Variants in CFAP46 observed in about 807,000 individuals in gnomAD.
CFAP46 encodes the protein cilia- and flagella-associated protein 46.
A neutral mutation model predicts 325.7 loss-of-function variants in CFAP46; 245 were observed. The ratio of observed to expected loss-of-function variants is 0.75; its 90% CI spans 0.68 to 0.84. CFAP46 has a LOEUF of 0.84. CFAP46 is among the 40% of genes least tolerant of loss of function. The pLI is 0.00. For synonymous variants in CFAP46, 1,523 were observed against 1,495.9 expected (o/e 1.02, Z -0.42); for missense variants, 3,346 against 3,543.0 (o/e 0.94, Z 1.41).
rs1554876278 is a variant in CFAP46, at chr10:132,832,396, C to CCT, written c.7117+961_7117+962insAG. 1.4e-5 allele frequency among the ~76,000 whole-genome samples: 2 copies of CCT among 142,312 alleles called. No homozygotes were observed. Among genetic ancestry groups the CCT allele is most frequent in the Non-Finnish European group, 1.5e-5 (1 of 64,766 alleles). The allele number at this position is 142,312 out of a possible 152,430, so 93.4% of individuals were successfully genotyped here. A position where few individuals can be genotyped will look rare whatever the true frequency, so the allele number is the denominator to read the frequency against. ...ACCCCTGGGCTCTTCCTGCCCCCCC[C>CCT]CCCCAATGCTGTGGCCTGGAAATTC... On this transcript the variant is annotated intron_variant, in intron 50 of 57. Coordinates refer to ENST00000368586, the MANE Select transcript of CFAP46 (RefSeq NM_001200049.3). The surrounding 1 kb of genome is among the most constrained non-coding windows in gnomAD (Gnocchi z 4.1).
intron 50 of CFAP46, among the ~76,000 whole-genome samples, chr10:132,821,205 A>C (rs1480238590): frequency 1.4e-5 from 1 of 72,988 alleles, no homozygotes; most frequent in African/African-American, 5.9e-5. Flanking sequence ...GTGAGTGCTG[A>C]TGTGTGCTGT....
In CFAP46 at chr10:132,905,555, C is replaced by G. The variant is rs543582578; in HGVS notation, c.2924+2913G>C. 4.0e-5 allele frequency among the ~76,000 whole-genome samples: 6 copies of G among 148,724 alleles called. No individual in the cohort carries two copies. The East Asian group carries it at 1.2e-3, about 29-fold the overall frequency. ...AAGTACACTCTCTGGGTCCTTTTGTCTAAAATGGCTTATTTTGACCTGATA... is the reference window on the plus strand; with the variant it reads ...AAGTACACTCTCTGGGTCCTTTTGTGTAAAATGGCTTATTTTGACCTGATA... On this transcript the variant is annotated intron_variant, in intron 22 of 57. Transcript: ENST00000368586.
At position 132,912,316 on chromosome 10, in the gene CFAP46, C is replaced by CT. The variant is rs1303321188; in HGVS notation, c.2499+338dup. ...TCTCTCTCCTCTCTTTCTCCTGTCT[C>CT]TTCTCCTCTCTTCTTCTCTCTCTCC... On this transcript the variant is annotated intron_variant, in intron 19 of 57. Transcript: ENST00000368586. Among the ~76,000 whole-genome samples, 6 of 85,912 alleles carry CT rather than the reference C, an allele frequency of 7.0e-5. 1 individual carries two copies. Among genetic ancestry groups the CT allele is most frequent in the Non-Finnish European group, 1.3e-4 (6 of 47,124 alleles). The allele number at this position is 85,912 out of a possible 152,430, so 56.4% of individuals were successfully genotyped here.
At chr10:132,834,604 G>A (rs917964047) in intron 48 of CFAP46, 50 bp downstream of exon 48, 2 of 1,603,428 alleles carry the variant, frequency 1.2e-6, no homozygotes, top group Non-Finnish European at 1.7e-6. Context: ...GGACACACGT[G>A]TCCATGCGTG....
At chr10:132,937,757 A>G (rs908412358) in intron 5 of CFAP46, 82 bp from the exon 6 acceptor site, 1 of 1,502,822 alleles carries the variant, frequency 6.7e-7, no homozygotes, top group Non-Finnish European at 8.9e-7. Flanking sequence ...AAACCATTAC[A>G]TATTTTGTGT....
rs767105081 is a variant in CFAP46 at position 132,929,807 on chromosome 10, G to GCAAA, written c.867-7_867-4dup. 2.5e-6 allele frequency: 4 copies of GCAAA among 1,605,258 alleles called. No individual in the cohort carries two copies. Among genetic ancestry groups the GCAAA allele is most frequent in the African/African-American group, 1.3e-5 (1 of 74,858 alleles). On this transcript the variant is annotated splice_polypyrimidine_tract_variant and splice_region_variant and intron_variant, in intron 8 of 57. Coordinates refer to ENST00000368586, the MANE Select transcript of CFAP46 (RefSeq NM_001200049.3). ...CCAATTCAAAAAGCAAAAGCATTCT[G>GCAAA]CAAACAAACAAACCAGCCAGCACCG...
At chr10:132,844,765 G>A (rs904713090) in intron 44 of CFAP46, among the ~76,000 whole-genome samples, 4 of 152,254 alleles carry the variant, frequency 2.6e-5, no homozygotes, top group South Asian at 2.1e-4. Context: ...CATGACTCCC[G>A]TGCCCAGCTC....
chr10:132,823,492 C>A (rs1847939941), intron 50 of CFAP46, among the ~76,000 whole-genome samples: 1 of 104,156 alleles, frequency 9.6e-6, no homozygotes, highest in Non-Finnish European at 1.9e-5. Context: ...GTGCTGTGTG[C>A]TGATGTGTGC....
chr10:132,881,653 ACCGCACCCTCCGCAGCC>A (rs1415960254), intron 27 of CFAP46, among the ~76,000 whole-genome samples: 1 of 150,516 alleles, frequency 6.6e-6, no homozygotes, highest in East Asian at 2.0e-4. Context: ...GTTAGCCTGC[ACCGCACCCTCCGCAGCC>A]CTGCGAGCCG....
chr10:132,927,167 G>A (rs575275398), intron 9 of CFAP46, among the ~76,000 whole-genome samples: 37 of 152,302 alleles, frequency 2.4e-4, no homozygotes, highest in South Asian at 4.1e-4. Flanking sequence ...CACCCCGCTC[G>A]AGGGGTGACA....
chr10:132,837,470 GACAC>G (rs754696579), intron 44 of CFAP46, among the ~76,000 whole-genome samples: 1 of 124,792 alleles, frequency 8.0e-6, no homozygotes, highest in African/African-American at 4.9e-5. Context: ...GACATGCACA[GACAC>G]ACACATGCAC....
intron 16 of CFAP46, 36 bp from the exon 17 acceptor site, chr10:132,916,718 C>T (rs1386993946): frequency 4.2e-6 from 6 of 1,423,606 alleles, no homozygotes; most frequent in Admixed American, 5.8e-5. Context: ...GGGTCATGGG[C>T]GGAGCACGGG....
intron 24 of CFAP46, among the ~76,000 whole-genome samples, chr10:132,896,914 C>T (rs565193795): frequency 3.7e-4 from 57 of 152,228 alleles, no homozygotes; most frequent in Non-Finnish European, 6.6e-4. Flanking sequence ...AAAATGATAC[C>T]ATACAGGCCG....
intron 29 of CFAP46, among the ~76,000 whole-genome samples, chr10:132,878,723 A>AG (rs1307403884): frequency 1.3e-5 from 2 of 151,866 alleles, no homozygotes; most frequent in African/African-American, 2.4e-5. Context: ...AAGACGGGAT[A>AG]GGGGGGCCTC....
intron 50 of CFAP46, among the ~76,000 whole-genome samples, chr10:132,823,662 T>G (rs377146576): frequency 0.027 from 3,262 of 119,712 alleles, 5 homozygotes; most frequent in Middle Eastern, 0.051. Context: ...GTGTGCTGTG[T>G]GCGCTGATGT....
At chr10:132,931,217 A>C (rs1229510756) in intron 8 of CFAP46, among the ~76,000 whole-genome samples, 40 of 18,198 alleles carry the variant, frequency 2.2e-3, no homozygotes, top group African/African-American at 2.7e-3. Flanking sequence ...CCTTCCCCAC[A>C]CTCCCCACAC....
In CFAP46 at chr10:132,860,790, C is replaced by A; in HGVS notation, c.5083G>T (p.Glu1695Ter). 1 of 1,550,952 alleles carries A rather than the reference C, an allele frequency of 6.4e-7. No homozygotes were observed. Among genetic ancestry groups the A allele is most frequent in the South Asian group, 1.2e-5 (1 of 84,056 alleles). The part of the protein sequence containing the change: ...ALLSMEHSGR[E>*]ATVCHIFQKL... The stretch of plus-strand genomic sequence containing the variant: ...GTCCCCGTGCCTCTTACCGTAGCTT[C>A]CCTTCCTGAGTGTTCCATGGACAAG... Residue 1695 changes from glutamate to a stop codon, truncating the protein, a stop_gained, in exon 36 of 58, where the codon GAA (glutamate) becomes TAA (stop). Transcript: ENST00000368586. LOFTEE classifies it high-confidence loss of function.
intron 24 of CFAP46, among the ~76,000 whole-genome samples, chr10:132,895,702 A>G (rs559803167): frequency 6.6e-6 from 1 of 152,354 alleles, no homozygotes; most frequent in South Asian, 2.1e-4. Context: ...ATGAAATTAG[A>G]AAGAAAGTTC....
intron 4 of CFAP46, among the ~76,000 whole-genome samples, chr10:132,938,964 C>T (rs1320401747): frequency 6.6e-6 from 1 of 152,178 alleles, no homozygotes; most frequent in East Asian, 1.9e-4. Flanking sequence ...CTTGGGCGAC[C>T]CTGCGTCCGA....
Sources: gnomAD v4.1 joint callset for allele counts (sites outside exome capture counted in the v4.1 genomes callset) on GRCh38, gnomAD v4.1.1 for gene constraint, Gnocchi (gnomAD v3.1) non-coding constraint, MANE v1.5 for transcripts, NCBI Gene and HGNC (gene_info 2026-07-23, HGNC 2026-07-21) for gene names.